The following ADCY2 variants were observed in gnomAD, a reference collection of about 807,000 sequenced individuals.
ADCY2 encodes the protein adenylate cyclase 2, also known as adenylate cyclase type 2.
A neutral mutation model predicts 125.2 loss-of-function variants in ADCY2; 31 were observed. The ratio of observed to expected loss-of-function variants is 0.25; its 90% CI spans 0.19 to 0.33. ADCY2 has a LOEUF of 0.33. ADCY2 is among the 10% of genes least tolerant of loss of function. The pLI is 1.00. For missense variants in ADCY2, 904 were observed against 1,418.2 expected, an observed-to-expected ratio of 0.64 and a Z score of 5.82; for synonymous variants, 512 against 548.4, an observed-to-expected ratio of 0.93 and a Z score of 0.93.
intron 2 of ADCY2, among the ~76,000 whole-genome samples, chr5:7,431,307 T>C (rs973517241): frequency 6.6e-6 from 1 of 152,190 alleles, no homozygotes; most frequent in Admixed American, 6.5e-5. Flanking sequence ...TATAAGCTTA[T>C]CAGTAATAGT....
intron 3 of ADCY2, among the ~76,000 whole-genome samples, chr5:7,577,931 G>T (rs1437817715): frequency 6.6e-6 from 1 of 152,170 alleles, no homozygotes; most frequent in East Asian, 1.9e-4. Flanking sequence ...AAGGACAAGA[G>T]ATTTTCCCAC....
intron 1 of ADCY2, among the ~76,000 whole-genome samples, chr5:7,399,039 A>T (rs1055723612): frequency 2.0e-5 from 3 of 152,172 alleles, no homozygotes; most frequent in Admixed American, 2.0e-4. Context: ...AGAGAGGTCT[A>T]CCTTGGGAGG....
intron 3 of ADCY2, among the ~76,000 whole-genome samples, chr5:7,580,744 G>T (rs1411091191): frequency 6.6e-6 from 1 of 152,150 alleles, no homozygotes; most frequent in Non-Finnish European, 1.5e-5. Context: ...GTAAATGCCT[G>T]GCTAACTAAA....
chr5:7,826,029 C>T (rs1410933676), intron 24 of ADCY2, among the ~76,000 whole-genome samples: 1 of 152,224 alleles, frequency 6.6e-6, no homozygotes, highest in Non-Finnish European at 1.5e-5. Flanking sequence ...GGGCTGCCCT[C>T]CTTAGCCCCC....
rs149513448 is a variant in ADCY2 at position 7,536,522 on chromosome 5, G to T, written c.570+15623G>T. Among the ~76,000 whole-genome samples the T allele has an allele frequency of 2.6e-3, 401 of 152,326 alleles. 1 individual carries two copies. The highest frequency in any genetic ancestry group is 4.9e-3 in the Non-Finnish European group (334 of 68,038). On this transcript the variant is annotated intron_variant, in intron 3 of 24. Transcript: ENST00000338316. Reference sequence around the variant, plus strand: ...ACCTTGATTGATTGCCTCCCTTGAAGAATTTTCTCAGATGACTTTAGGAAC... The same window carrying T: ...ACCTTGATTGATTGCCTCCCTTGAATAATTTTCTCAGATGACTTTAGGAAC...
At chr5:7,475,206 C>T (rs945676020) in intron 2 of ADCY2, among the ~76,000 whole-genome samples, 7 of 152,118 alleles carry the variant, frequency 4.6e-5, no homozygotes, top group African/African-American at 1.7e-4. Flanking sequence ...GTGCAAAGAC[C>T]GGAAGTGCGA....
At chr5:7,617,708 T>G (rs1411668621) in intron 3 of ADCY2, among the ~76,000 whole-genome samples, 1 of 152,172 alleles carries the variant, frequency 6.6e-6, no homozygotes, top group Non-Finnish European at 1.5e-5. Context: ...AAAATTTGTC[T>G]TTTCATTCTT....
chr5:7,670,367 C>T (rs1739891668), intron 4 of ADCY2, among the ~76,000 whole-genome samples: 1 of 152,108 alleles, frequency 6.6e-6, no homozygotes, highest in Admixed American at 6.6e-5. Flanking sequence ...TCCATTTTCT[C>T]AATATTGATT....
intron 3 of ADCY2, among the ~76,000 whole-genome samples, chr5:7,617,223 A>C (rs1737796679): frequency 6.6e-6 from 1 of 151,982 alleles, no homozygotes; most frequent in Admixed American, 6.6e-5. Flanking sequence ...CCCTGCCATC[A>C]CCTTGATATT....
intron 22 of ADCY2, among the ~76,000 whole-genome samples, chr5:7,808,338 GT>G (rs1188004330): frequency 1.3e-5 from 2 of 152,170 alleles, no homozygotes; most frequent in African/African-American, 4.8e-5. Context: ...GATCACCCGT[GT>G]TTGTTCAGGG....
intron 4 of ADCY2, among the ~76,000 whole-genome samples, chr5:7,685,588 T>C (rs1561166306): frequency 6.6e-6 from 1 of 152,158 alleles, no homozygotes; most frequent in Non-Finnish European, 1.5e-5. Context: ...TTTTAACTGA[T>C]TGATATGAAG....
At chr5:7,703,718 G>C (rs1463327317) in intron 7 of ADCY2, among the ~76,000 whole-genome samples, 2 of 152,020 alleles carry the variant, frequency 1.3e-5, no homozygotes, top group African/African-American at 4.8e-5. Context: ...GCTCTTTTTT[G>C]GTTCCATATG....
chr5:7,422,521 A>G (rs1450039903), intron 2 of ADCY2, among the ~76,000 whole-genome samples: 1 of 152,132 alleles, frequency 6.6e-6, no homozygotes, highest in East Asian at 1.9e-4. Context: ...GCTGACCCAC[A>G]TTTGCATCTG....
At chr5:7,448,807 T>C (rs190217536) in intron 2 of ADCY2, among the ~76,000 whole-genome samples, 101 of 152,334 alleles carry the variant, frequency 6.6e-4, no homozygotes, top group Non-Finnish European at 1.2e-3. Context: ...AGACATGATC[T>C]TGTTCCTTTC....
At chr5:7,699,081 A>ATTTCTTTTT (rs1740990933) in intron 7 of ADCY2, among the ~76,000 whole-genome samples, 1 of 37,964 alleles carries the variant, frequency 2.6e-5, no homozygotes, top group African/African-American at 9.0e-5. Context: ...AACAGTAAGC[A>ATTTCTTTTT]TTTTTTTTTT....
intron 14 of ADCY2, among the ~76,000 whole-genome samples, chr5:7,734,774 C>G (rs1320871023): frequency 2.0e-5 from 3 of 152,172 alleles, no homozygotes; most frequent in Admixed American, 6.5e-5. Context: ...TTGGACTTCT[C>G]TAACAAAGGA....
intron 20 of ADCY2, among the ~76,000 whole-genome samples, chr5:7,791,137 G>C (rs752264470): frequency 6.6e-6 from 1 of 152,014 alleles, no homozygotes; most frequent in Non-Finnish European, 1.5e-5. Flanking sequence ...GGGGTGCTCC[G>C]TGGCCCTTCT....
intron 4 of ADCY2, among the ~76,000 whole-genome samples, chr5:7,672,783 G>C (rs551009381): frequency 6.6e-6 from 1 of 152,278 alleles, no homozygotes; most frequent in East Asian, 1.9e-4. Flanking sequence ...TTTGCACATT[G>C]GCTATGGCTG....
At chr5:7,421,853 CATT>C (rs1561016807) in intron 2 of ADCY2, among the ~76,000 whole-genome samples, 1 of 152,104 alleles carries the variant, frequency 6.6e-6, no homozygotes, top group Non-Finnish European at 1.5e-5. Context: ...GGGTTTTTGC[CATT>C]ATACAAACCT....
Sources: allele counts gnomAD v4.1 joint callset (sites outside exome capture counted in the v4.1 genomes callset), GRCh38; gene constraint gnomAD v4.1.1; transcripts MANE v1.5; gene names NCBI Gene and HGNC (gene_info 2026-07-23, HGNC 2026-07-21).